The following PCNX2 variants were observed in gnomAD, a reference collection of about 807,000 sequenced individuals.
PCNX2 encodes the protein pecanex-like protein 2.
Under a neutral mutation model 223.8 loss-of-function variants are expected in PCNX2, and 168 were observed. The observed-to-expected ratio is 0.75, with a 90% CI of 0.66 to 0.85. PCNX2 has a LOEUF of 0.85. Ranked by LOEUF, PCNX2 falls within the 40% of genes least tolerant of loss-of-function variation. The pLI is 0.00. For missense variants in PCNX2, 2,507 were observed against 2,675.5 expected, an observed-to-expected ratio of 0.94 and a Z score of 1.39; for synonymous variants, 1,006 against 1,052.6, an observed-to-expected ratio of 0.96 and a Z score of 0.86.
chr1:233,011,366 A>G (rs1337013040), intron 28 of PCNX2, among the ~76,000 whole-genome samples: 1 of 152,194 alleles, frequency 6.6e-6, no homozygotes, highest in Non-Finnish European at 1.5e-5. Flanking sequence ...AAGCTTTAGC[A>G]AGCTAGGAAA....
chr1:233,069,742 A>G (rs1226204254), intron 23 of PCNX2, among the ~76,000 whole-genome samples: 2 of 152,174 alleles, frequency 1.3e-5, no homozygotes, highest in Non-Finnish European at 2.9e-5. Flanking sequence ...ATAGCTAAAG[A>G]AGTGTTGAAA....
At chr1:233,108,109 G>T (rs1674903371) in intron 21 of PCNX2, among the ~76,000 whole-genome samples, 1 of 152,150 alleles carries the variant, frequency 6.6e-6, no homozygotes, top group African/African-American at 2.4e-5. Flanking sequence ...ATATACTCAA[G>T]AAATAACCAT....
At chr1:233,067,365 C>A (rs1296915039) in intron 23 of PCNX2, among the ~76,000 whole-genome samples, 6 of 3,888 alleles carry the variant, frequency 1.5e-3, no homozygotes, top group Non-Finnish European at 2.4e-3. Context: ...AGAGCTTCAG[C>A]AAAAAAAAAA....
intron 18 of PCNX2, among the ~76,000 whole-genome samples, chr1:233,160,727 C>T (rs993138188): frequency 6.6e-6 from 1 of 152,144 alleles, no homozygotes; most frequent in African/African-American, 2.4e-5. Context: ...AAGAATAACC[C>T]ATGCAGCTCA....
Position 233,000,226 on chromosome 1 carries a change from C to G in PCNX2, c.5328+79G>C. 1 of 1,369,672 alleles carries G rather than the reference C, an allele frequency of 7.3e-7. No homozygotes were observed. The highest frequency in any genetic ancestry group is 1.0e-6 in the Non-Finnish European group (1 of 959,756). 84.8% of individuals were successfully genotyped at this position (1,369,672 alleles called of 1,614,324 possible). On this transcript the variant is annotated intron_variant, in intron 30 of 33. Coordinates refer to ENST00000258229, the MANE Select transcript of PCNX2 (RefSeq NM_014801.4). This position sits in a 1 kb window ranked among gnomAD's most constrained non-coding sequence, Gnocchi z 4.6. ...ACAGAGACTCCTGTGTCAGTGCCCC[C>G]CTGCCCACCACCATTCTATTTCTTC...
At position 233,001,453 on chromosome 1, in the gene PCNX2, T is replaced by G; in HGVS notation, c.5097+84A>C. 1 of 950,686 alleles carries G rather than the reference T, an allele frequency of 1.1e-6. No homozygotes were observed. 58.9% of individuals were successfully genotyped at this position (950,686 alleles called of 1,614,324 possible). On this transcript the variant is annotated intron_variant, in intron 29 of 33. Coordinates refer to ENST00000258229, the MANE Select transcript of PCNX2 (RefSeq NM_014801.4). The surrounding 1 kb of genome is among the most constrained non-coding windows in gnomAD (Gnocchi z 4.2). ...GAGATTGTGCCATTGCACCCCAGCCTGGGCAACAAGAGCGAAACTCCATCT... is the reference window on the plus strand; with the variant it reads ...GAGATTGTGCCATTGCACCCCAGCCGGGGCAACAAGAGCGAAACTCCATCT...
chr1:233,243,088 A>G (rs1419909526), intron 8 of PCNX2, among the ~76,000 whole-genome samples: 4 of 152,214 alleles, frequency 2.6e-5, no homozygotes, highest in African/African-American at 9.7e-5. Flanking sequence ...CAAGAACCGC[A>G]CTGGTTCCCA....
At chr1:233,039,296 C>G (rs535063221) in intron 25 of PCNX2, among the ~76,000 whole-genome samples, 3 of 152,218 alleles carry the variant, frequency 2.0e-5, no homozygotes, top group Non-Finnish European at 2.9e-5. Context: ...ACGGATAGGC[C>G]GTGGACCTTG....
rs576039183 is a variant in PCNX2 at position 233,270,921 on chromosome 1, C to T, written c.154-7758G>A. 2.6e-5 allele frequency among the ~76,000 whole-genome samples: 4 copies of T among 152,312 alleles called. No individual in the cohort carries two copies. In the South Asian group the frequency reaches 8.3e-4, roughly 32 times the overall value. On this transcript the variant is annotated intron_variant, in intron 1 of 33. Coordinates refer to ENST00000258229, the MANE Select transcript of PCNX2 (RefSeq NM_014801.4). ...TCATTAAAATGAGAATCATTGTAGA[C>T]TTACTCACTTTGAAAATTATTTAAA...
intron 8 of PCNX2, among the ~76,000 whole-genome samples, chr1:233,243,717 T>C (rs998169387): frequency 1.3e-5 from 2 of 152,204 alleles, no homozygotes; most frequent in Non-Finnish European, 1.5e-5. Flanking sequence ...CACAGTGCAG[T>C]TTACCTGAAG....
chr1:233,143,703 T>C (rs1056480592), intron 19 of PCNX2, among the ~76,000 whole-genome samples: 2 of 152,224 alleles, frequency 1.3e-5, no homozygotes, highest in African/African-American at 2.4e-5. Context: ...GTTGATTCCA[T>C]GTGCTCACTC....
chr1:233,176,177 G>A (rs1679463119), intron 17 of PCNX2, among the ~76,000 whole-genome samples: 1 of 152,160 alleles, frequency 6.6e-6, no homozygotes, highest in Non-Finnish European at 1.5e-5. Context: ...ATGTATGGGA[G>A]CTTACACAAT....
At chr1:233,173,085 T>C (rs1342525309) in intron 17 of PCNX2, among the ~76,000 whole-genome samples, 1 of 152,186 alleles carries the variant, frequency 6.6e-6, no homozygotes, top group Non-Finnish European at 1.5e-5. Context: ...TCTGTCTCCT[T>C]TCTGTGTTTT....
intron 23 of PCNX2, among the ~76,000 whole-genome samples, chr1:233,065,301 A>G (rs1244304443): frequency 2.0e-5 from 3 of 152,194 alleles, no homozygotes; most frequent in Non-Finnish European, 4.4e-5. Flanking sequence ...TGTTATTGTA[A>G]AAGTCTATTT....
At chr1:233,235,679 G>A (rs1658341511) in intron 9 of PCNX2, among the ~76,000 whole-genome samples, 1 of 152,092 alleles carries the variant, frequency 6.6e-6, no homozygotes, top group Admixed American at 6.5e-5. Flanking sequence ...TTGGCTGATT[G>A]CAACCTCCGC....
Position 233,218,209 on chromosome 1 carries a change from CAAAAAA to C in PCNX2, c.2505-31_2505-26del, listed in dbSNP as rs34818026. ...TCTGTGCAAAATATATACATAAAAGCAAAAAAAAAAAAAAAAAAAAAAAGTGTAAGT... is the reference window on the plus strand; with the variant it reads ...TCTGTGCAAAATATATACATAAAAGCAAAAAAAAAAAAAAAAAGTGTAAGT... On this transcript the variant is annotated intron_variant, in intron 10 of 33. Transcript: ENST00000258229. The C allele has an allele frequency of 1.5e-3, 425 of 275,546 alleles. 2 individuals are homozygous for C. Among genetic ancestry groups the C allele is most frequent in the African/African-American group, 0.011 (240 of 21,784 alleles). 17.1% of individuals were successfully genotyped at this position (275,546 alleles called of 1,614,324 possible).
intron 23 of PCNX2, 117 bp from the exon 24 acceptor site, chr1:233,057,407 A>G: frequency 1.3e-6 from 1 of 767,296 alleles, no homozygotes; most frequent in South Asian, 1.6e-5. Flanking sequence ...CTCACAGGTT[A>G]AGACGATTGC....
chr1:233,033,330 T>A, intron 25 of PCNX2: 1 of 381,214 alleles, frequency 2.6e-6, no homozygotes, highest in Non-Finnish European at 3.6e-6. Context: ...AAATGAGAGG[T>A]AAGAAAAATA....
At chr1:233,186,863 A>C (rs747986158) in intron 15 of PCNX2, among the ~76,000 whole-genome samples, 6 of 152,194 alleles carry the variant, frequency 3.9e-5, no homozygotes, top group Non-Finnish European at 7.3e-5. Flanking sequence ...GTCTATCTAT[A>C]GCTACATGGA....
Sources: gnomAD v4.1 joint callset for allele counts (sites outside exome capture counted in the v4.1 genomes callset) on GRCh38, gnomAD v4.1.1 for gene constraint, Gnocchi (gnomAD v3.1) non-coding constraint, MANE v1.5 for transcripts, NCBI Gene and HGNC (gene_info 2026-07-23, HGNC 2026-07-21) for gene names.